ARHGAP44: variants seen among roughly 807,000 people sequenced by gnomAD.
ARHGAP44 encodes rho GTPase-activating protein 44.
A neutral mutation model predicts 106.8 loss-of-function variants in ARHGAP44; 43 were observed. That is an observed-to-expected ratio of 0.40 (90% CI 0.32 to 0.52). The LOEUF is 0.52. ARHGAP44 is among the 20% of genes least tolerant of loss of function. The pLI, the probability that ARHGAP44 is intolerant of heterozygous loss-of-function variation, is 0.48. For missense variants in ARHGAP44, 866 were observed against 1,050.5 expected (o/e 0.82, Z 2.43); for synonymous variants, 439 against 410.3 (o/e 1.07, Z -0.85).
At chr17:12,843,874 C>T (rs926209071) in intron 1 of ARHGAP44, among the ~76,000 whole-genome samples, 16 of 151,682 alleles carry the variant, frequency 1.1e-4, no homozygotes, top group African/African-American at 3.9e-4. Flanking sequence ...CCAGGATGCT[C>T]TCAATCTCTT....
intron 1 of ARHGAP44, among the ~76,000 whole-genome samples, chr17:12,854,756 C>T (rs953224409): frequency 8.6e-5 from 13 of 151,908 alleles, no homozygotes; most frequent in African/African-American, 2.4e-4. Context: ...GTTGGGAGCT[C>T]GAGACCAGTC....
chr17:12,899,514 C>G (rs905321992), intron 3 of ARHGAP44, among the ~76,000 whole-genome samples: 1 of 151,790 alleles, frequency 6.6e-6, no homozygotes. Flanking sequence ...AAATGTATAT[C>G]CAGTTCTTTG....
intron 1 of ARHGAP44, among the ~76,000 whole-genome samples, chr17:12,799,527 T>G (rs949810338): frequency 2.2e-4 from 33 of 152,228 alleles, no homozygotes; most frequent in African/African-American, 7.5e-4. Flanking sequence ...CAAACGTCAC[T>G]TATGTTCACT....
intron 8 of ARHGAP44, 27 bp downstream of exon 8, chr17:12,941,151 T>A: frequency 6.2e-7 from 1 of 1,601,476 alleles, no homozygotes; most frequent in Admixed American, 1.7e-5. Context: ...GTGAGATTGC[T>A]TAAAGGCTGT....
chr17:12,795,449 G>A (rs987547847), intron 1 of ARHGAP44, among the ~76,000 whole-genome samples: 13 of 152,038 alleles, frequency 8.6e-5, no homozygotes, highest in Admixed American at 2.6e-4. Context: ...GCAAGTCATC[G>A]TGAGGAAGCC....
intron 1 of ARHGAP44, among the ~76,000 whole-genome samples, chr17:12,808,373 G>A (rs565296227): frequency 6.6e-6 from 1 of 152,250 alleles, no homozygotes; most frequent in African/African-American, 2.4e-5. Context: ...CCTAGCAGAG[G>A]TTCTCTGTGA....
At chr17:12,903,143 G>C (rs1343703840) in intron 3 of ARHGAP44, among the ~76,000 whole-genome samples, 7 of 104,118 alleles carry the variant, frequency 6.7e-5, no homozygotes, top group African/African-American at 3.1e-4. Flanking sequence ...GAGAGAGAGT[G>C]TGTGTGTGTG....
chr17:12,960,863 C>T (rs944739623), intron 16 of ARHGAP44, among the ~76,000 whole-genome samples: 1 of 152,126 alleles, frequency 6.6e-6, no homozygotes, highest in Non-Finnish European at 1.5e-5. Context: ...TGTGCCTGGC[C>T]TCAGAAAAAA....
intron 1 of ARHGAP44, among the ~76,000 whole-genome samples, chr17:12,843,251 C>A (rs2035468731): frequency 6.6e-6 from 1 of 152,200 alleles, no homozygotes; most frequent in Admixed American, 6.5e-5. Context: ...CTGCCTCCCT[C>A]TGTTTCTCCC....
chr17:12,921,144 G>A (rs960547733), intron 6 of ARHGAP44, among the ~76,000 whole-genome samples: 1 of 152,076 alleles, frequency 6.6e-6, no homozygotes, highest in African/African-American at 2.4e-5. Flanking sequence ...TCTGCTCACT[G>A]CAACCTCCGC....
chr17:12,875,061 T>G (rs2036514434), intron 1 of ARHGAP44, among the ~76,000 whole-genome samples: 1 of 152,014 alleles, frequency 6.6e-6, no homozygotes, highest in Admixed American at 6.6e-5. Flanking sequence ...ATTTTGGATT[T>G]TACTCCACAC....
At chr17:12,935,640 CAAGT>C (rs2038525299) in intron 7 of ARHGAP44, among the ~76,000 whole-genome samples, 1 of 150,236 alleles carries the variant, frequency 6.7e-6, no homozygotes. Context: ...ATAAAATTGT[CAAGT>C]AAAGTGGAAA....
At position 12,789,676 on chromosome 17, in the gene ARHGAP44, C is replaced by G; in HGVS notation, c.-163C>G. On this transcript the variant is annotated 5_prime_UTR_variant, in exon 1 of 21. Transcript: ENST00000379672. ...GCGGCGGGAGGAGTAGGCGGCGGCGCCCTCGGGAGGGAGCTGCGCGCGGGC... is the reference window on the plus strand; with the variant it reads ...GCGGCGGGAGGAGTAGGCGGCGGCGGCCTCGGGAGGGAGCTGCGCGCGGGC... 2.2e-6 allele frequency: 1 copy of G among 449,902 alleles called. No homozygotes were observed. The highest frequency in any genetic ancestry group is 3.6e-6 in the Non-Finnish European group (1 of 279,568). 27.9% of individuals were successfully genotyped at this position (449,902 alleles called of 1,614,324 possible). A position where few individuals can be genotyped will look rare whatever the true frequency, so the allele number is the denominator to read the frequency against.
At chr17:12,856,501 C>T (rs1399109167) in intron 1 of ARHGAP44, among the ~76,000 whole-genome samples, 3 of 152,170 alleles carry the variant, frequency 2.0e-5, no homozygotes, top group African/African-American at 7.2e-5. Context: ...GAAGTTGGCC[C>T]TAGGCAATTG....
At chr17:12,856,822 A>G (rs1367400040) in intron 1 of ARHGAP44, among the ~76,000 whole-genome samples, 7 of 152,180 alleles carry the variant, frequency 4.6e-5, no homozygotes, top group African/African-American at 1.7e-4. Flanking sequence ...ATGCTTAGTG[A>G]AAGCTTAATG....
intron 1 of ARHGAP44, among the ~76,000 whole-genome samples, chr17:12,892,552 T>C (rs2150915109): frequency 6.6e-6 from 1 of 152,248 alleles, no homozygotes; most frequent in East Asian, 1.9e-4. Flanking sequence ...AACTTTTTTA[T>C]TGTGGCCAAC....
intron 18 of ARHGAP44, among the ~76,000 whole-genome samples, chr17:12,978,715 G>T (rs1365382813): frequency 1.4e-5 from 2 of 140,690 alleles, no homozygotes; most frequent in Non-Finnish European, 3.0e-5. Flanking sequence ...TTTTGACAGG[G>T]TCTCCCTCTG....
intron 1 of ARHGAP44, among the ~76,000 whole-genome samples, chr17:12,844,885 T>TATGCTGATAAGAGAA (rs2035519542): frequency 6.6e-6 from 1 of 151,810 alleles, no homozygotes; most frequent in African/African-American, 2.4e-5. Flanking sequence ...TGATAAGAGA[T>TATGCTGATAAGAGAA]ACTATGCTGT....
At chr17:12,908,778 A>C in intron 3 of ARHGAP44, 119 bp from the exon 4 acceptor site, 1 of 764,566 alleles carries the variant, frequency 1.3e-6, no homozygotes, top group Non-Finnish European at 2.2e-6. Flanking sequence ...ACCTATTTTA[A>C]AGTTAGCTTG....
Sources: gnomAD v4.1 joint callset for allele counts (sites outside exome capture counted in the v4.1 genomes callset) on GRCh38, gnomAD v4.1.1 for gene constraint, MANE v1.5 for transcripts, NCBI Gene and HGNC (gene_info 2026-07-23, HGNC 2026-07-21) for gene names.